Variants in HS6ST3 observed in about 807,000 individuals in gnomAD.
HS6ST3 encodes the protein heparan sulfate 6-O-sulfotransferase 3, also known as heparan-sulfate 6-O-sulfotransferase 3.
Under a neutral mutation model 36.7 loss-of-function variants are expected in HS6ST3, and 12 were observed. That is an observed-to-expected ratio of 0.33 (90% CI 0.21 to 0.53). The LOEUF (loss-of-function observed/expected upper bound fraction) is 0.53, where lower values mean the gene tolerates loss of function less well. Among genes scored for constraint, HS6ST3 ranks in the 20% least tolerant of loss-of-function variants. The pLI is 0.95. For missense variants in HS6ST3, 584 were observed against 640.9 expected, an observed-to-expected ratio of 0.91 and a Z score of 0.96; for synonymous variants, 240 against 257.5, an observed-to-expected ratio of 0.93 and a Z score of 0.65.
intron 1 of HS6ST3, among the ~76,000 whole-genome samples, chr13:96,235,673 A>G (rs963434209): frequency 3.3e-5 from 5 of 152,134 alleles, no homozygotes; most frequent in African/African-American, 9.7e-5. Context: ...AAACCCCTGA[A>G]CAGATATAAC....
intron 1 of HS6ST3, among the ~76,000 whole-genome samples, chr13:96,593,872 A>G (rs1263614206): frequency 1.3e-5 from 2 of 151,904 alleles, no homozygotes; most frequent in Non-Finnish European, 2.9e-5. Context: ...ATTTGCATGG[A>G]ATATCTTTTT....
intron 1 of HS6ST3, among the ~76,000 whole-genome samples, chr13:96,261,055 T>A (rs527970614): frequency 6.6e-6 from 1 of 152,272 alleles, no homozygotes; most frequent in South Asian, 2.1e-4. Flanking sequence ...ACAATTCATA[T>A]ATTTGGTCAT....
chr13:96,413,154 T>G (rs2055516411), intron 1 of HS6ST3, among the ~76,000 whole-genome samples: 1 of 152,230 alleles, frequency 6.6e-6, no homozygotes, highest in African/African-American at 2.4e-5. Context: ...TTTCTGTATT[T>G]CACTGTCATT....
At chr13:96,387,556 C>A (rs2139449664) in intron 1 of HS6ST3, among the ~76,000 whole-genome samples, 1 of 152,216 alleles carries the variant, frequency 6.6e-6, no homozygotes, top group African/African-American at 2.4e-5. Flanking sequence ...AATTATAATA[C>A]AGCCAAATAT....
chr13:96,719,289 A>G lies in HS6ST3; in HGVS notation c.708-113201A>G, dbSNP rs190432253. Among the ~76,000 whole-genome samples the G allele has an allele frequency of 1.7e-3, 258 of 151,596 alleles. 1 individual carries two copies. The highest frequency in any genetic ancestry group is 5.8e-3 in the African/African-American group (239 of 41,330). On this transcript the variant is annotated intron_variant, in intron 1 of 1. Coordinates refer to ENST00000376705, the MANE Select transcript of HS6ST3 (RefSeq NM_153456.4). ...ACTATGTCTCAAAAAAAAAAAAACC[A>G]AAAAAAGAATTTCCTACTTCAAGAA...
intron 1 of HS6ST3, among the ~76,000 whole-genome samples, chr13:96,158,910 A>G (rs760563835): frequency 6.6e-6 from 1 of 152,094 alleles, no homozygotes; most frequent in Non-Finnish European, 1.5e-5. Context: ...CTTTGTGATG[A>G]TGACTGAGCA....
intron 1 of HS6ST3, among the ~76,000 whole-genome samples, chr13:96,220,663 T>C (rs1208820755): frequency 6.6e-6 from 1 of 152,224 alleles, no homozygotes; most frequent in Non-Finnish European, 1.5e-5. Flanking sequence ...CTAATAAATC[T>C]GTGACATTTT....
chr13:96,247,269 G>A (rs892851985), intron 1 of HS6ST3, among the ~76,000 whole-genome samples: 1 of 152,018 alleles, frequency 6.6e-6, no homozygotes, highest in African/African-American at 2.4e-5. Flanking sequence ...GGAAATTCTT[G>A]TTTTAATACA....
intron 1 of HS6ST3, among the ~76,000 whole-genome samples, chr13:96,212,724 G>T (rs571431666): frequency 6.6e-6 from 1 of 152,050 alleles, no homozygotes; most frequent in Admixed American, 6.6e-5. Context: ...CTTTTTTGGG[G>T]GGTAAAGTGT....
intron 1 of HS6ST3, among the ~76,000 whole-genome samples, chr13:96,760,054 A>G (rs1022181763): frequency 2.0e-5 from 3 of 152,052 alleles, no homozygotes; most frequent in Admixed American, 6.6e-5. Context: ...AAATTCAACA[A>G]TGGTTGTATG....
chr13:96,360,001 G>A (rs1405896008), intron 1 of HS6ST3, among the ~76,000 whole-genome samples: 2 of 152,146 alleles, frequency 1.3e-5, no homozygotes, highest in African/African-American at 4.8e-5. Flanking sequence ...GGGGAAGTTG[G>A]AGAAGTGACG....
intron 1 of HS6ST3, among the ~76,000 whole-genome samples, chr13:96,512,475 T>G (rs2056053706): frequency 1.3e-5 from 2 of 152,200 alleles, no homozygotes; most frequent in Non-Finnish European, 2.9e-5. Flanking sequence ...TTATACTGAC[T>G]AATGAATAAT....
At chr13:96,181,935 A>C (rs1012778685) in intron 1 of HS6ST3, among the ~76,000 whole-genome samples, 1 of 152,168 alleles carries the variant, frequency 6.6e-6, no homozygotes, top group Non-Finnish European at 1.5e-5. Flanking sequence ...TTACTTAATA[A>C]TACCTTAGAG....
At chr13:96,531,709 C>T (rs191303129) in intron 1 of HS6ST3, among the ~76,000 whole-genome samples, 16 of 152,284 alleles carry the variant, frequency 1.1e-4, no homozygotes, top group Admixed American at 8.5e-4. Context: ...CAACGACAAT[C>T]GTAACAGCAA....
chr13:96,531,088 T>C (rs2056133444), intron 1 of HS6ST3, among the ~76,000 whole-genome samples: 1 of 152,174 alleles, frequency 6.6e-6, no homozygotes, highest in Non-Finnish European at 1.5e-5. Flanking sequence ...CTCCAATATA[T>C]TCTAGCCATA....
chr13:96,697,564 G>C (rs1875162312), intron 1 of HS6ST3, among the ~76,000 whole-genome samples: 1 of 152,120 alleles, frequency 6.6e-6, no homozygotes, highest in Non-Finnish European at 1.5e-5. Context: ...CCTATAGCTA[G>C]ATATAGCAAA....
chr13:96,457,193 A>T (rs2055758410), intron 1 of HS6ST3, among the ~76,000 whole-genome samples: 1 of 152,152 alleles, frequency 6.6e-6, no homozygotes, highest in South Asian at 2.1e-4. Context: ...TTCTTTTAAT[A>T]GAAAATTTAT....
intron 1 of HS6ST3, among the ~76,000 whole-genome samples, chr13:96,242,784 A>T (rs1362482606): frequency 6.6e-6 from 1 of 152,206 alleles, no homozygotes; most frequent in Non-Finnish European, 1.5e-5. Flanking sequence ...AAAGATTTAG[A>T]AATAGAATTA....
chr13:96,574,420 C>A, intron 1 of HS6ST3: 2 of 515,142 alleles, frequency 3.9e-6, no homozygotes, highest in South Asian at 3.8e-5. Context: ...AGGTGACAAT[C>A]AGTTTTGCAG....
Sources: allele counts gnomAD v4.1 joint callset (sites outside exome capture counted in the v4.1 genomes callset), GRCh38; gene constraint gnomAD v4.1.1; transcripts MANE v1.5; gene names NCBI Gene and HGNC (gene_info 2026-07-23, HGNC 2026-07-21).